Variants in DCAF1 observed in about 807,000 individuals in gnomAD.
The protein encoded by DCAF1 is DDB1- and CUL4-associated factor 1.
A neutral mutation model predicts 128.0 loss-of-function variants in DCAF1; 15 were observed. The ratio of observed to expected loss-of-function variants is 0.12; its 90% confidence interval spans 0.08 to 0.18. DCAF1 has a LOEUF of 0.18. Ranked by LOEUF, DCAF1 falls within the 10% of genes least tolerant of loss-of-function variation. DCAF1 has a pLI of 1.00. For synonymous variants in DCAF1, 610 were observed against 603.0 expected (o/e 1.01, Z -0.17); for missense variants, 988 against 1,649.5 (o/e 0.60, Z 6.95).
At chr3:51,497,561 T>G (rs1183390868) in intron 1 of DCAF1, among the ~76,000 whole-genome samples, 2 of 151,306 alleles carry the variant, frequency 1.3e-5, no homozygotes, top group Non-Finnish European at 1.5e-5. Context: ...CACTCCAGCC[T>G]GGGCAACAGA....
intron 17 of DCAF1, 101 bp downstream of exon 17, chr3:51,418,015 C>T (rs1699054283): frequency 9.8e-6 from 14 of 1,431,928 alleles, no homozygotes; most frequent in African/African-American, 1.4e-5. Context: ...TAACCGACAG[C>T]ATCCTCTTTC....
At chr3:51,500,568 T>C (rs1553663909), upstream of DCAF1, among the ~76,000 whole-genome samples, 2 of 152,104 alleles carry the variant, frequency 1.3e-5, no homozygotes, top group African/African-American at 4.8e-5. Flanking sequence ...TGAGACAGAG[T>C]CTCGCTCTGT....
At chr3:51,444,657 AACTTATTTT>A (rs1201629184) in intron 6 of DCAF1, among the ~76,000 whole-genome samples, 2 of 150,188 alleles carry the variant, frequency 1.3e-5, no homozygotes, top group East Asian at 3.9e-4. Flanking sequence ...TGGCCTCCCA[AACTTATTTT>A]ATTGATTGAT....
At chr3:51,433,018 T>C (rs1449617644) in intron 10 of DCAF1, 88 bp downstream of exon 10, 4 of 397,370 alleles carry the variant, frequency 1.0e-5, no homozygotes, top group African/African-American at 6.2e-5. Context: ...GTTTTTTTCT[T>C]ATCCAAAAGT....
intron 2 of DCAF1, among the ~76,000 whole-genome samples, chr3:51,488,151 C>G (rs1553656299): frequency 6.6e-6 from 1 of 152,064 alleles, no homozygotes; most frequent in Non-Finnish European, 1.5e-5. Flanking sequence ...AGGCATGAAC[C>G]ACTGCACCAG....
At chr3:51,465,661 C>T (rs1354735118) in intron 5 of DCAF1, among the ~76,000 whole-genome samples, 1 of 152,024 alleles carries the variant, frequency 6.6e-6, no homozygotes, top group Non-Finnish European at 1.5e-5. Context: ...AGGAGAATCA[C>T]TTGAACCCAG....
chr3:51,441,676 T>C lies in DCAF1; in HGVS notation c.735A>G (p.Ser245=), dbSNP rs1559515148. The change falls in exon 8 of 25, where the codon TCA becomes TCG. Residue 245 remains serine (S), a synonymous_variant. Coordinates refer to ENST00000684031, the MANE Select transcript of DCAF1 (RefSeq NM_001387579.1). ...GDMEISFHLD[S]GHKTSSRVNS... Reference sequence around the variant, plus strand: ...TCACTCTGCTACTAGTCTTGTGGCCTGAATCAAGATGAAAGGAGATCTCCA... The same window carrying C: ...TCACTCTGCTACTAGTCTTGTGGCCCGAATCAAGATGAAAGGAGATCTCCA... 3 of 1,614,014 alleles carry C rather than the reference T, an allele frequency of 1.9e-6. No homozygotes were observed. In the Admixed American group the frequency reaches 5.0e-5, roughly 27 times the overall value.
At chr3:51,475,320 G>A (rs565468548) in intron 3 of DCAF1, among the ~76,000 whole-genome samples, 3 of 152,234 alleles carry the variant, frequency 2.0e-5, no homozygotes, top group South Asian at 2.1e-4. Flanking sequence ...ATGGCCTCTG[G>A]GCCAGGCACA....
rs1553625574 is a variant in DCAF1, at chr3:51,403,344, C to T, written c.4264G>A (p.Asp1422Asn). ...EDDDEDDDDT[D>N]DLDELDTDQL... ...TCAGTGTCAAGCTCATCTAAATCAT[C>T]GGTGTCATCATCATCTTCATCATCA... The change falls in exon 24 of 25, where the codon GAT (aspartate) becomes AAT (asparagine). Residue 1422 changes from aspartate to asparagine, a missense_variant. Physicochemically the swap from Asp to Asn is conservative, Grantham distance 23. This residue lies in a region of DCAF1 where 97 missense variants were observed against 134.5 expected (regional missense o/e 0.72). Coordinates refer to ENST00000684031, the MANE Select transcript of DCAF1 (RefSeq NM_001387579.1). 1.9e-6 allele frequency: 3 copies of T among 1,557,156 alleles called. No individual in the cohort carries two copies. The highest frequency in any genetic ancestry group is 2.6e-6 in the Non-Finnish European group (3 of 1,149,930).
chr3:51,416,123 C>T (rs537988622), intron 18 of DCAF1, among the ~76,000 whole-genome samples: 8 of 152,032 alleles, frequency 5.3e-5, no homozygotes, highest in Non-Finnish European at 8.8e-5. Context: ...ACTTTACATC[C>T]ACTCATGTAT....
At chr3:51,435,869 G>T (rs1489341509) in intron 9 of DCAF1, among the ~76,000 whole-genome samples, 1 of 152,094 alleles carries the variant, frequency 6.6e-6, no homozygotes, top group African/African-American at 2.4e-5. Flanking sequence ...GTTCAGCAAA[G>T]AACAAAGACA....
At chr3:51,443,924 T>G in intron 6 of DCAF1, 21 bp from the exon 7 acceptor site, 1 of 1,564,660 alleles carries the variant, frequency 6.4e-7, no homozygotes. Context: ...GGAAATTAAA[T>G]AGTACATTTC....
chr3:51,434,079 C>A (rs1700611606), intron 9 of DCAF1, among the ~76,000 whole-genome samples: 1 of 144,932 alleles, frequency 6.9e-6, no homozygotes, highest in Non-Finnish European at 1.5e-5. Context: ...GAGACCCTGT[C>A]TCAAAAAAAA....
chr3:51,503,805 A>G (rs1266867686), upstream of DCAF1, among the ~76,000 whole-genome samples: 1 of 152,198 alleles, frequency 6.6e-6, no homozygotes, highest in East Asian at 1.9e-4. Context: ...TTACATCCAC[A>G]TCCACTACTC....
At chr3:51,438,649 T>C (rs1286918450) in intron 9 of DCAF1, among the ~76,000 whole-genome samples, 1 of 152,258 alleles carries the variant, frequency 6.6e-6, no homozygotes, top group African/African-American at 2.4e-5. Context: ...TTCGCTGTTA[T>C]TGCCCAGGCT....
At chr3:51,443,985 G>A in intron 6 of DCAF1, 82 bp from the exon 7 acceptor site, 6 of 1,367,732 alleles carry the variant, frequency 4.4e-6, no homozygotes, top group Non-Finnish European at 4.9e-6. Context: ...TCAGTCTCAT[G>A]AAAAAAATTT....
intron 3 of DCAF1, among the ~76,000 whole-genome samples, chr3:51,479,985 G>C (rs1443716834): frequency 6.7e-6 from 1 of 150,298 alleles, no homozygotes; most frequent in African/African-American, 2.5e-5. Flanking sequence ...TCTGAAAACA[G>C]CCTGAGCAAC....
intron 18 of DCAF1, among the ~76,000 whole-genome samples, chr3:51,415,715 G>A (rs1354553043): frequency 6.6e-6 from 1 of 151,996 alleles, no homozygotes; most frequent in Non-Finnish European, 1.5e-5. Context: ...AGCTTCCTGA[G>A]TAGCTGGGAC....
intron 12 of DCAF1, among the ~76,000 whole-genome samples, 170 bp from the exon 13 acceptor site, chr3:51,427,711 T>C (rs575211146): frequency 1.4e-4 from 21 of 152,192 alleles, no homozygotes; most frequent in African/African-American, 4.8e-4. Flanking sequence ...CGGCTCACTG[T>C]AGCCTCAATC....
Sources: allele counts gnomAD v4.1 joint callset (sites outside exome capture counted in the v4.1 genomes callset), GRCh38; gene constraint gnomAD v4.1.1; regional missense constraint gnomAD v4.1.1; transcripts MANE v1.5; gene names NCBI Gene and HGNC (gene_info 2026-07-23, HGNC 2026-07-21).